CTNND2: variants seen among roughly 807,000 people sequenced by gnomAD.
The protein encoded by CTNND2 is catenin delta 2, also known as catenin delta-2.
Under a neutral mutation model 144.4 loss-of-function variants are expected in CTNND2, and 22 were observed. That is an observed-to-expected ratio of 0.15 (90% confidence interval 0.11 to 0.22). The LOEUF (loss-of-function observed/expected upper bound fraction) is 0.22. Among genes scored for constraint, CTNND2 ranks in the 10% least tolerant of loss-of-function variants. The probability of loss-of-function intolerance (pLI) is 1.00; values close to 1 mark genes in which losing one functional copy is unlikely to be tolerated. For synonymous variants in CTNND2, 751 were observed against 695.6 expected (o/e 1.08, Z -1.25); for missense variants, 1,353 against 1,618.8 (o/e 0.84, Z 2.82).
intron 14 of CTNND2, among the ~76,000 whole-genome samples, chr5:11,100,118 A>G (rs1751742759): frequency 6.6e-6 from 1 of 152,252 alleles, no homozygotes; most frequent in Non-Finnish European, 1.5e-5. Context: ...AAAATAGAAA[A>G]GTAGACAGAG....
At chr5:11,118,386 G>A (rs1477173298) in intron 12 of CTNND2, among the ~76,000 whole-genome samples, 1 of 152,258 alleles carries the variant, frequency 6.6e-6, no homozygotes, top group African/African-American at 2.4e-5. Context: ...GGCTGCAGGA[G>A]ATGACTTAGT....
chr5:11,022,760 G>T lies in CTNND2; in HGVS notation c.2999+9C>A. On this transcript the variant is annotated intron_variant, in intron 17 of 21. Coordinates refer to ENST00000304623, the MANE Select transcript of CTNND2 (RefSeq NM_001332.4). ...CAGGACAGAGATATGGCGTCACCAG[G>T]TAACTTACTTATCTCCTTTGCTTTT... is the stretch of plus-strand genomic sequence containing the variant. The T allele has an allele frequency of 2.5e-6, 4 of 1,611,548 alleles. No homozygotes were observed. Among genetic ancestry groups the T allele is most frequent in the Non-Finnish European group, 3.4e-6 (4 of 1,178,292 alleles).
intron 9 of CTNND2, among the ~76,000 whole-genome samples, chr5:11,338,351 C>G (rs915964070): frequency 2.6e-5 from 4 of 152,190 alleles, no homozygotes; most frequent in African/African-American, 4.8e-5. Flanking sequence ...GAGGCCCTGG[C>G]TAGGAGTGGG....
At chr5:11,851,733 A>G (rs1054087388) in intron 1 of CTNND2, among the ~76,000 whole-genome samples, 1 of 152,230 alleles carries the variant, frequency 6.6e-6, no homozygotes, top group Non-Finnish European at 1.5e-5. Flanking sequence ...GGCAATGGCC[A>G]ATTCCATTTG....
chr5:11,499,271 T>A (rs1770302062), intron 3 of CTNND2, among the ~76,000 whole-genome samples: 1 of 152,142 alleles, frequency 6.6e-6, no homozygotes, highest in Admixed American at 6.5e-5. Context: ...CAGTTCACGA[T>A]CCTCTGAAAA....
chr5:11,510,653 G>A (rs1209701124), intron 3 of CTNND2, among the ~76,000 whole-genome samples: 1 of 152,104 alleles, frequency 6.6e-6, no homozygotes, highest in Non-Finnish European at 1.5e-5. Context: ...CATTTGAATC[G>A]GGCACAATGG....
intron 2 of CTNND2, among the ~76,000 whole-genome samples, chr5:11,610,709 ATT>A (rs1163640021): frequency 6.6e-6 from 1 of 152,210 alleles, no homozygotes; most frequent in Non-Finnish European, 1.5e-5. Flanking sequence ...AGAGAGTTCT[ATT>A]TATCTCTAAG....
intron 3 of CTNND2, among the ~76,000 whole-genome samples, chr5:11,442,957 A>T (rs974148052): frequency 6.8e-6 from 1 of 147,616 alleles, no homozygotes; most frequent in African/African-American, 2.5e-5. Flanking sequence ...ATTATATATA[A>T]AATAAATATA....
At chr5:11,826,629 A>G (rs1793619331) in intron 1 of CTNND2, among the ~76,000 whole-genome samples, 1 of 152,068 alleles carries the variant, frequency 6.6e-6, no homozygotes, top group African/African-American at 2.4e-5. Context: ...AATATATTAC[A>G]AAAATACAAA....
intron 1 of CTNND2, among the ~76,000 whole-genome samples, chr5:11,807,370 C>T (rs1222328595): frequency 1.3e-5 from 2 of 152,150 alleles, no homozygotes; most frequent in Admixed American, 6.6e-5. Flanking sequence ...ATCCCTACTA[C>T]CTTCTGCCTC....
intron 14 of CTNND2, among the ~76,000 whole-genome samples, chr5:11,106,211 C>T (rs1021949023): frequency 7.9e-5 from 12 of 152,160 alleles, no homozygotes; most frequent in African/African-American, 2.9e-4. Context: ...TCTAAGAATG[C>T]ACTCTCAAGA....
chr5:11,128,743 A>ATATATAT (rs1754955236), intron 12 of CTNND2, among the ~76,000 whole-genome samples: 1 of 65,556 alleles, frequency 1.5e-5, no homozygotes, highest in African/African-American at 9.2e-5. Flanking sequence ...ATATATATTT[A>ATATATAT]TATATATTAT....
intron 2 of CTNND2, among the ~76,000 whole-genome samples, chr5:11,567,722 CT>C (rs1469996340): frequency 1.1e-4 from 16 of 152,012 alleles, no homozygotes; most frequent in African/African-American, 3.6e-4. Context: ...CTTTATTTAA[CT>C]TTTTGCACAT....
intron 3 of CTNND2, among the ~76,000 whole-genome samples, chr5:11,448,985 G>T (rs1031466401): frequency 6.6e-6 from 1 of 151,824 alleles, no homozygotes; most frequent in African/African-American, 2.4e-5. Context: ...TTATAGGTGT[G>T]AGCCACTACA....
At chr5:11,418,900 A>C (rs1487737122) in intron 3 of CTNND2, among the ~76,000 whole-genome samples, 7 of 152,058 alleles carry the variant, frequency 4.6e-5, no homozygotes, top group African/African-American at 1.7e-4. Context: ...TGTCAATAAG[A>C]TATGTATTGC....
chr5:10,995,701 C>T (rs2149505828), intron 18 of CTNND2, among the ~76,000 whole-genome samples: 1 of 151,996 alleles, frequency 6.6e-6, no homozygotes, highest in Admixed American at 6.5e-5. Flanking sequence ...GAAGGAAAAA[C>T]CTGGGGACAT....
At chr5:11,791,425 A>G (rs576727067) in intron 1 of CTNND2, among the ~76,000 whole-genome samples, 64 of 152,306 alleles carry the variant, frequency 4.2e-4, no homozygotes, top group African/African-American at 1.5e-3. Flanking sequence ...AAGCAAGAAC[A>G]TGTTCTCAAG....
At chr5:11,640,732 ACT>A (rs1407646224) in intron 2 of CTNND2, among the ~76,000 whole-genome samples, 4 of 152,084 alleles carry the variant, frequency 2.6e-5, no homozygotes, top group African/African-American at 9.6e-5. Context: ...TCTTGGCATC[ACT>A]CTGTTAGCAG....
intron 2 of CTNND2, among the ~76,000 whole-genome samples, chr5:11,684,792 T>C (rs10070357): frequency 0.13 from 19,908 of 152,206 alleles, 1,409 homozygotes; most frequent in African/African-American, 0.18. Context: ...ATCTCAGCTG[T>C]ACTACTCGAG....
Sources: allele counts gnomAD v4.1 joint callset (sites outside exome capture counted in the v4.1 genomes callset), GRCh38; gene constraint gnomAD v4.1.1; transcripts MANE v1.5; gene names NCBI Gene and HGNC (gene_info 2026-07-23, HGNC 2026-07-21).